ITPR2: variants seen among roughly 807,000 people sequenced by gnomAD.
The protein encoded by ITPR2 is inositol 1,4,5-trisphosphate-gated calcium channel ITPR2.
ITPR2 carries 207 observed loss-of-function variants against 317.1 expected under a neutral mutation model. The ratio of observed to expected loss-of-function variants is 0.65; its 90% CI spans 0.58 to 0.73. ITPR2 has a LOEUF of 0.73. Ranked by LOEUF, ITPR2 falls within the 30% of genes least tolerant of loss-of-function variation. The pLI, the probability that ITPR2 is intolerant of heterozygous loss-of-function variation, is 0.00. For synonymous variants in ITPR2, 1,156 were observed against 1,149.1 expected (o/e 1.01, Z -0.12); for missense variants, 2,613 against 3,284.0 (o/e 0.80, Z 4.99).
At chr12:26,553,286 T>C (rs912323841) in intron 36 of ITPR2, among the ~76,000 whole-genome samples, 1 of 152,214 alleles carries the variant, frequency 6.6e-6, no homozygotes, top group Non-Finnish European at 1.5e-5. Context: ...GTTAACAGTA[T>C]CATTGACCTA....
chr12:26,719,758 C>T (rs895312928), intron 5 of ITPR2, among the ~76,000 whole-genome samples: 6 of 152,070 alleles, frequency 3.9e-5, no homozygotes, highest in African/African-American at 1.4e-4. Context: ...CCCCGCTCTC[C>T]CCACCCCACA....
chr12:26,551,360 C>T (rs1355557716), intron 36 of ITPR2, among the ~76,000 whole-genome samples: 2 of 152,212 alleles, frequency 1.3e-5, no homozygotes, highest in African/African-American at 2.4e-5. Flanking sequence ...CATGACAGAA[C>T]AGAGGCCCAG....
At position 26,451,365 on chromosome 12, in the gene ITPR2, T is replaced by TCACACACACACACACACA. The variant is rs57642539; in HGVS notation, c.6343-7733_6343-7716dup. On this transcript the variant is annotated intron_variant, in intron 45 of 56. Transcript: ENST00000381340. ...GATCTCAAGACAGCTTTCTCTCATA[T>TCACACACACACACACACA]CACACACACACACACACACACACAC... 2.0e-3 allele frequency among the ~76,000 whole-genome samples: 267 copies of TCACACACACACACACACA among 136,402 alleles called. 3 individuals are homozygous for TCACACACACACACACACA. The highest frequency in any genetic ancestry group is 4.4e-3 in the African/African-American group (145 of 33,330). 89.5% of individuals were successfully genotyped at this position (136,402 alleles called of 152,430 possible). A position where few individuals can be genotyped will look rare whatever the true frequency, so the allele number is the denominator to read the frequency against.
At chr12:26,449,100 C>T (rs1051499445) in intron 45 of ITPR2, among the ~76,000 whole-genome samples, 1 of 152,040 alleles carries the variant, frequency 6.6e-6, no homozygotes, top group Non-Finnish European at 1.5e-5. Context: ...ATTTCAATGA[C>T]ATTCAATAAT....
At chr12:26,567,212 C>G (rs930853390) in intron 34 of ITPR2, among the ~76,000 whole-genome samples, 4 of 152,140 alleles carry the variant, frequency 2.6e-5, no homozygotes, top group Non-Finnish European at 4.4e-5. Context: ...GAATATTTTT[C>G]TAATGACACC....
intron 45 of ITPR2, among the ~76,000 whole-genome samples, chr12:26,448,009 A>AAAAC (rs1429690591): frequency 9.3e-5 from 14 of 151,342 alleles, no homozygotes; most frequent in Non-Finnish European, 2.1e-4. Context: ...TTTTAAAAAA[A>AAAAC]AAAAAACCCA....
At chr12:26,423,919 A>T (rs1246496448) in intron 49 of ITPR2, among the ~76,000 whole-genome samples, 4 of 152,206 alleles carry the variant, frequency 2.6e-5, no homozygotes, top group Non-Finnish European at 5.9e-5. Context: ...GAATAAAGAC[A>T]ATAAAAAAGA....
intron 2 of ITPR2, among the ~76,000 whole-genome samples, chr12:26,733,325 A>G (rs1413829651): frequency 6.5e-5 from 7 of 108,436 alleles, no homozygotes; most frequent in East Asian, 3.9e-4. Context: ...AAAAAAAAAA[A>G]AAAAGAAAAG....
chr12:26,808,589 C>CCCAAGCTTGGGT (rs60112043), intron 1 of ITPR2, among the ~76,000 whole-genome samples: 1 of 151,948 alleles, frequency 6.6e-6, no homozygotes, highest in South Asian at 2.1e-4. Context: ...CACAAGTACT[C>CCCAAGCTTGGGT]CCAAGCTTGG....
intron 37 of ITPR2, among the ~76,000 whole-genome samples, chr12:26,520,829 A>G (rs975916369): frequency 1.3e-5 from 2 of 152,224 alleles, no homozygotes; most frequent in African/African-American, 4.8e-5. Flanking sequence ...ATATCTATAT[A>G]TGAATTTGAT....
At chr12:26,366,512 A>G (rs1010037564) in intron 55 of ITPR2, among the ~76,000 whole-genome samples, 1 of 152,174 alleles carries the variant, frequency 6.6e-6, no homozygotes, top group Non-Finnish European at 1.5e-5. Context: ...AATAACTCAA[A>G]TACAATCTAC....
intron 34 of ITPR2, among the ~76,000 whole-genome samples, chr12:26,568,886 C>A (rs1353028203): frequency 6.6e-6 from 1 of 152,186 alleles, no homozygotes; most frequent in African/African-American, 2.4e-5. Flanking sequence ...TTAAATTCAT[C>A]TTTCCTGTTT....
intron 45 of ITPR2, among the ~76,000 whole-genome samples, chr12:26,465,439 G>C (rs539146648): frequency 6.6e-6 from 1 of 152,228 alleles, no homozygotes; most frequent in South Asian, 2.1e-4. Flanking sequence ...ATTGGAGATA[G>C]CAATTATATA....
chr12:26,498,252 C>T (rs1176758572), intron 37 of ITPR2, among the ~76,000 whole-genome samples: 2 of 152,168 alleles, frequency 1.3e-5, no homozygotes, highest in Admixed American at 6.5e-5. Context: ...GCTTATTCTA[C>T]CAAGGAATAC....
intron 2 of ITPR2, among the ~76,000 whole-genome samples, chr12:26,740,661 T>C (rs1163370307): frequency 6.6e-6 from 1 of 152,194 alleles, no homozygotes; most frequent in Admixed American, 6.5e-5. Context: ...GAAATGGATG[T>C]TGTGGAGGAG....
intron 37 of ITPR2, among the ~76,000 whole-genome samples, chr12:26,533,729 C>T (rs1259989824): frequency 6.6e-6 from 1 of 152,126 alleles, no homozygotes; most frequent in East Asian, 1.9e-4. Context: ...CATCTACAAG[C>T]CAAGGAGAAA....
At chr12:26,805,151 T>C (rs1229886271) in intron 1 of ITPR2, among the ~76,000 whole-genome samples, 5 of 152,234 alleles carry the variant, frequency 3.3e-5, no homozygotes, top group Admixed American at 6.5e-5. Context: ...AAAATATAAA[T>C]TTAACAATAT....
At chr12:26,633,680 C>A (rs941117422) in intron 21 of ITPR2, among the ~76,000 whole-genome samples, 1 of 152,184 alleles carries the variant, frequency 6.6e-6, no homozygotes, top group Non-Finnish European at 1.5e-5. Flanking sequence ...AACATCCCTC[C>A]CCCTGCTTGC....
chr12:26,442,451 A>G (rs1438348941), intron 46 of ITPR2, among the ~76,000 whole-genome samples: 1 of 152,118 alleles, frequency 6.6e-6, no homozygotes, highest in Admixed American at 6.6e-5. Context: ...AAACAACATC[A>G]AACAACAGCT....
Sources: allele counts gnomAD v4.1 joint callset (sites outside exome capture counted in the v4.1 genomes callset), GRCh38; gene constraint gnomAD v4.1.1; transcripts MANE v1.5; gene names NCBI Gene and HGNC (gene_info 2026-07-23, HGNC 2026-07-21).